MGA: variants seen among roughly 807,000 people sequenced by gnomAD.
The protein encoded by MGA is MAX gene-associated protein.
A neutral mutation model predicts 261.1 loss-of-function variants in MGA; 40 were observed. The observed-to-expected ratio is 0.15, with a 90% CI of 0.12 to 0.20. The LOEUF (loss-of-function observed/expected upper bound fraction) is 0.20. MGA is among the 10% of genes least tolerant of loss of function. The probability of loss-of-function intolerance (pLI) is 1.00; values close to 1 mark genes in which losing one functional copy is unlikely to be tolerated. For synonymous variants in MGA, 1,302 were observed against 1,290.6 expected (o/e 1.01, Z -0.19); for missense variants, 3,397 against 3,630.5 (o/e 0.94, Z 1.65).
rs552934167 is a variant in MGA at position 41,691,984 on chromosome 15, G to T, written c.1065-4091G>T. 1.2e-3 allele frequency among the ~76,000 whole-genome samples: 181 copies of T among 152,064 alleles called. 1 individual carries two copies. Among genetic ancestry groups the T allele is most frequent in the African/African-American group, 4.3e-3 (179 of 41,488 alleles). ...GGGTTAAAATCTTTTGCTTTTGGAAGATTTTTGTTCATTTTCTCTTCAAGT... is the reference window on the plus strand; with the variant it reads ...GGGTTAAAATCTTTTGCTTTTGGAATATTTTTGTTCATTTTCTCTTCAAGT... On this transcript the variant is annotated intron_variant, in intron 2 of 23. Coordinates refer to ENST00000219905, the MANE Select transcript of MGA (RefSeq NM_001164273.2).
chr15:41,657,414 C>T (rs1245814544), upstream of MGA, among the ~76,000 whole-genome samples: 4 of 141,812 alleles, frequency 2.8e-5, no homozygotes, highest in Admixed American at 2.9e-4. Flanking sequence ...AGTGCGGTGG[C>T]GCGATCTCGG....
At chr15:41,748,592 T>C in intron 15 of MGA, 45 bp from the exon 16 acceptor site, 1 of 1,584,828 alleles carries the variant, frequency 6.3e-7, no homozygotes, top group Non-Finnish European at 8.6e-7. Context: ...CCTACGTGTG[T>C]TAAAGGGGAA....
At chr15:41,646,085 T>G (rs147639434) in intron 1 of MGA, among the ~76,000 whole-genome samples, 1 of 152,282 alleles carries the variant, frequency 6.6e-6, no homozygotes, top group African/African-American at 2.4e-5. Context: ...AGTAAAAATT[T>G]CCCTCTGCTA....
At chr15:41,724,519 T>C (rs2061123245) in intron 9 of MGA, among the ~76,000 whole-genome samples, 2 of 152,148 alleles carry the variant, frequency 1.3e-5, no homozygotes, top group Admixed American at 1.3e-4. Context: ...GTGCCATCTC[T>C]ATAAAAAAGT....
intron 1 of MGA, among the ~76,000 whole-genome samples, chr15:41,642,696 A>C (rs1387943181): frequency 2.0e-4 from 31 of 151,716 alleles, no homozygotes; most frequent in Admixed American, 2.0e-3. Flanking sequence ...GATGGTCTTG[A>C]TCTCTTGACC....
At chr15:41,651,702 CCCCTCTCTTACCCCTT>C (rs1316920934) in intron 1 of MGA, among the ~76,000 whole-genome samples, 15 of 62,902 alleles carry the variant, frequency 2.4e-4, no homozygotes, top group African/African-American at 8.1e-4. Flanking sequence ...CTTACCCCTT[CCCCTCTCTTACCCCTT>C]CCCCTTCTCT....
chr15:41,698,325 T>C (rs1202005958), intron 3 of MGA, among the ~76,000 whole-genome samples: 3 of 151,750 alleles, frequency 2.0e-5, no homozygotes, highest in Non-Finnish European at 4.4e-5. Flanking sequence ...TGCATCACCA[T>C]GCCCAGCTAT....
chr15:41,701,282 A>C (rs970559217), intron 5 of MGA, among the ~76,000 whole-genome samples: 8 of 151,874 alleles, frequency 5.3e-5, no homozygotes, highest in African/African-American at 1.9e-4. Flanking sequence ...ATGTAGAAAT[A>C]TTATGACATT....
intron 1 of MGA, among the ~76,000 whole-genome samples, chr15:41,663,443 C>T (rs898347592): frequency 6.6e-6 from 1 of 151,892 alleles, no homozygotes; most frequent in African/African-American, 2.4e-5. Context: ...AGATTTATTT[C>T]TTCATGAGTA....
intron 2 of MGA, among the ~76,000 whole-genome samples, chr15:41,683,400 A>T (rs2058776314): frequency 6.6e-6 from 1 of 151,398 alleles, no homozygotes; most frequent in Admixed American, 6.6e-5. Context: ...CTAATTTTTT[A>T]TTTTTATTTT....
chr15:41,741,660 G>A (rs1466056505), intron 14 of MGA, among the ~76,000 whole-genome samples: 1 of 152,110 alleles, frequency 6.6e-6, no homozygotes, highest in African/African-American at 2.4e-5. Context: ...TATCCTGACA[G>A]TTTGAATATA....
At chr15:41,685,869 G>A (rs554272955) in intron 2 of MGA, among the ~76,000 whole-genome samples, 2 of 152,018 alleles carry the variant, frequency 1.3e-5, no homozygotes, top group Admixed American at 6.6e-5. Context: ...GCTGGGTGTG[G>A]TTGCGGGCAC....
Position 41,635,211 on chromosome 15 carries a change from G to C in MGA, c.-68+13913G>C, listed in dbSNP as rs551206449. On this transcript the variant is annotated intron_variant, in intron 1 of 8. Coordinates refer to the MGA transcript ENST00000566718. ...TGGCCGGGTGTGGTGGCGTGCACCT[G>C]TAGTCCCAGGTATTCAGGAGGCTGA... Among the ~76,000 whole-genome samples the C allele has an allele frequency of 3.6e-4, 55 of 152,220 alleles. No individual in the cohort carries two copies. In the South Asian group the frequency reaches 0.011, roughly 30 times the overall value.
intron 1 of MGA, among the ~76,000 whole-genome samples, chr15:41,662,026 A>G (rs890169436): frequency 4.6e-5 from 7 of 151,734 alleles, no homozygotes; most frequent in African/African-American, 9.7e-5. Context: ...TTTGTGGGTC[A>G]TTAATAGTCG....
intron 23 of MGA, 102 bp downstream of exon 23, chr15:41,765,164 C>G: frequency 7.5e-7 from 1 of 1,339,582 alleles, no homozygotes; most frequent in Non-Finnish European, 1.1e-6. Flanking sequence ...TGATAAAGAG[C>G]TATTCTGTTG....
At chr15:41,764,252 A>ATTTT (rs71108132) in intron 22 of MGA, among the ~76,000 whole-genome samples, 31 of 109,724 alleles carry the variant, frequency 2.8e-4, no homozygotes, top group African/African-American at 9.1e-4. Flanking sequence ...TGGTGTGGGT[A>ATTTT]TTTTTTTTTT....
intron 2 of MGA, chr15:41,691,534 G>T: frequency 6.0e-6 from 2 of 333,380 alleles, no homozygotes; most frequent in East Asian, 8.0e-5. Context: ...TCTTTTTCTT[G>T]CCTAATCATC....
chr15:41,742,811 T>C lies in MGA; in HGVS notation c.4851T>C (p.Ala1617=). 6.2e-7 allele frequency: 1 copy of C among 1,614,002 alleles called. No homozygotes were observed. Among genetic ancestry groups the C allele is most frequent in the Non-Finnish European group, 8.5e-7 (1 of 1,179,898 alleles). ...CTACTGCTGTGACACCTATGACTGC[T>C]ATTTCTGACGTGGAAACTAAAGAAA... is the stretch of plus-strand genomic sequence containing the variant. The change falls in exon 15 of 24, where the codon GCT becomes GCC. Residue 1617 remains alanine (A), a synonymous_variant. Coordinates refer to ENST00000219905, the MANE Select transcript of MGA (RefSeq NM_001164273.2).
intron 2 of MGA, among the ~76,000 whole-genome samples, chr15:41,685,700 T>G (rs993880087): frequency 6.6e-6 from 1 of 152,136 alleles, no homozygotes; most frequent in Non-Finnish European, 1.5e-5. Context: ...TTTAAAATAA[T>G]TTTCCAGTTT....
Sources: allele counts gnomAD v4.1 joint callset (sites outside exome capture counted in the v4.1 genomes callset), GRCh38; gene constraint gnomAD v4.1.1; transcripts MANE v1.5; gene names NCBI Gene and HGNC (gene_info 2026-07-23, HGNC 2026-07-21).